The following SEZ6L variants were observed in gnomAD, a reference collection of about 807,000 sequenced individuals.
SEZ6L encodes the protein seizure related 6 homolog like.
In SEZ6L, 37 loss-of-function variants were observed where a neutral mutation model predicts 106.2. The observed-to-expected ratio is 0.35, with a 90% CI of 0.27 to 0.46. The LOEUF (loss-of-function observed/expected upper bound fraction) is 0.46, where lower values mean the gene tolerates loss of function less well. SEZ6L is among the 20% of genes least tolerant of loss of function. SEZ6L has a pLI of 1.00. For missense variants in SEZ6L, 1,172 were observed against 1,332.8 expected (o/e 0.88, Z 1.88); for synonymous variants, 541 against 570.4 (o/e 0.95, Z 0.73).
chr22:26,368,892 A>C (rs2083907770), intron 13 of SEZ6L, among the ~76,000 whole-genome samples: 1 of 152,182 alleles, frequency 6.6e-6, no homozygotes. Context: ...CAGCTAGTAC[A>C]AGACAAAGCT....
chr22:26,213,352 T>C (rs1406029864), intron 1 of SEZ6L, among the ~76,000 whole-genome samples: 2 of 152,206 alleles, frequency 1.3e-5, no homozygotes, highest in Non-Finnish European at 2.9e-5. Flanking sequence ...ACATGAACCC[T>C]TACCATGCTG....
intron 1 of SEZ6L, among the ~76,000 whole-genome samples, chr22:26,229,545 G>A (rs6004962): frequency 4.5e-4 from 68 of 152,326 alleles, no homozygotes; most frequent in African/African-American, 1.5e-3. Flanking sequence ...CTGGGGTGAG[G>A]CCCAGCAATC....
At chr22:26,208,017 C>T (rs1941369159) in intron 1 of SEZ6L, among the ~76,000 whole-genome samples, 1 of 151,658 alleles carries the variant, frequency 6.6e-6, no homozygotes, top group African/African-American at 2.4e-5. Flanking sequence ...TCACGCCATT[C>T]TCCTGCCTCA....
intron 11 of SEZ6L, among the ~76,000 whole-genome samples, chr22:26,349,285 A>G (rs1443471193): frequency 6.6e-6 from 1 of 152,230 alleles, no homozygotes; most frequent in Non-Finnish European, 1.5e-5. Flanking sequence ...ACTGGATTTC[A>G]TTAACCTTTC....
At chr22:26,345,081 T>C (rs2082964221) in intron 10 of SEZ6L, among the ~76,000 whole-genome samples, 1 of 151,952 alleles carries the variant, frequency 6.6e-6, no homozygotes. Flanking sequence ...CCCTGGAATC[T>C]GAAGAACAGG....
chr22:26,264,756 A>G (rs147918637), intron 1 of SEZ6L, among the ~76,000 whole-genome samples: 1 of 152,362 alleles, frequency 6.6e-6, no homozygotes, highest in East Asian at 1.9e-4. Context: ...AAACAGGAGG[A>G]AAGCCAAATT....
At chr22:26,378,827 C>A (rs1035752436) in intron 16 of SEZ6L, among the ~76,000 whole-genome samples, 1 of 152,204 alleles carries the variant, frequency 6.6e-6, no homozygotes, top group African/African-American at 2.4e-5. Flanking sequence ...GGGAATAAAC[C>A]TGACTTGTTT....
At chr22:26,344,238 A>G (rs1344486885) in intron 10 of SEZ6L, among the ~76,000 whole-genome samples, 2 of 152,214 alleles carry the variant, frequency 1.3e-5, no homozygotes, top group Admixed American at 6.5e-5. Flanking sequence ...TAGAATGTGA[A>G]TTCTACTCCC....
chr22:26,336,591 G>A (rs1256424062), intron 9 of SEZ6L, among the ~76,000 whole-genome samples: 2 of 152,194 alleles, frequency 1.3e-5, no homozygotes, highest in Non-Finnish European at 2.9e-5. Context: ...GGGAGACACT[G>A]CTAAAATTTC....
At chr22:26,266,298 C>T (rs988898391) in intron 1 of SEZ6L, among the ~76,000 whole-genome samples, 126 of 151,822 alleles carry the variant, frequency 8.3e-4, no homozygotes, top group Middle Eastern at 3.4e-3. Context: ...CGGTGGCTTA[C>T]GCCTGTAATC....
chr22:26,316,909 G>GAAAGAAAGAAAGAA (rs1569460181), intron 9 of SEZ6L, among the ~76,000 whole-genome samples: 3 of 149,328 alleles, frequency 2.0e-5, no homozygotes, highest in African/African-American at 4.9e-5. Context: ...AAAGAAGAAA[G>GAAAGAAAGAAAGAA]AAAGAAAGAA....
chr22:26,308,946 T>C (rs1406298661), intron 6 of SEZ6L, among the ~76,000 whole-genome samples: 1 of 152,156 alleles, frequency 6.6e-6, no homozygotes, highest in Non-Finnish European at 1.5e-5. Flanking sequence ...CAGAAGACTA[T>C]GTAGATGCCC....
At chr22:26,336,739 T>C (rs1410517891) in intron 9 of SEZ6L, among the ~76,000 whole-genome samples, 1 of 152,206 alleles carries the variant, frequency 6.6e-6, no homozygotes, top group African/African-American at 2.4e-5. Context: ...GGCTGTCTTG[T>C]GCACTGTAGT....
At position 26,326,252 on chromosome 22, in the gene SEZ6L, A is replaced by G. The variant is rs757480700; in HGVS notation, c.2015+12350A>G. Among the ~76,000 whole-genome samples the G allele has an allele frequency of 4.6e-5, 7 of 152,256 alleles. No homozygotes were observed. The South Asian group carries it at 1.2e-3, about 27-fold the overall frequency. On this transcript the variant is annotated intron_variant, in intron 9 of 16. Transcript: ENST00000248933. ...CATTGCCTTGTCGGTGCACCCCTAC[A>G]AGCTCAAGGCATTCGAATGCAATTA...
At chr22:26,354,094 G>A (rs944097753) in intron 12 of SEZ6L, among the ~76,000 whole-genome samples, 21 of 152,118 alleles carry the variant, frequency 1.4e-4, no homozygotes, top group South Asian at 6.2e-4. Flanking sequence ...TGGACGTAGC[G>A]TCTTTGACAT....
chr22:26,277,944 T>C (rs2080606007), intron 1 of SEZ6L, among the ~76,000 whole-genome samples: 1 of 152,166 alleles, frequency 6.6e-6, no homozygotes, highest in South Asian at 2.1e-4. Context: ...GGAGAGTAAA[T>C]CCAAGTAACG....
intron 5 of SEZ6L, among the ~76,000 whole-genome samples, chr22:26,304,388 GAAAGAAAGAAA>G (rs1828864051): frequency 8.8e-6 from 1 of 114,262 alleles, no homozygotes; most frequent in African/African-American, 3.7e-5. Context: ...AAGAAAGAAA[GAAAGAAAGAAA>G]GAAAGAAAGA....
At chr22:26,223,131 G>A (rs763406906) in intron 1 of SEZ6L, among the ~76,000 whole-genome samples, 19 of 152,186 alleles carry the variant, frequency 1.2e-4, no homozygotes, top group African/African-American at 3.6e-4. Context: ...CACCCCAAAC[G>A]TGGTAGTCAC....
chr22:26,233,817 T>C (rs899921744), intron 1 of SEZ6L, among the ~76,000 whole-genome samples: 12 of 152,118 alleles, frequency 7.9e-5, no homozygotes, highest in African/African-American at 2.9e-4. Context: ...GTAAATGTGG[T>C]TCCCTAGAAA....
Sources: gnomAD v4.1 joint callset for allele counts (sites outside exome capture counted in the v4.1 genomes callset) on GRCh38, gnomAD v4.1.1 for gene constraint, MANE v1.5 for transcripts, NCBI Gene and HGNC (gene_info 2026-07-23, HGNC 2026-07-21) for gene names.